APOBEC1: variants seen among roughly 807,000 people sequenced by gnomAD.
The protein encoded by APOBEC1 is apolipoprotein B mRNA editing enzyme catalytic subunit 1.
A neutral mutation model predicts 26.3 loss-of-function variants in APOBEC1; 22 were observed. The observed-to-expected ratio is 0.84, with a 90% CI of 0.60 to 1.19. The LOEUF (loss-of-function observed/expected upper bound fraction) is 1.19. Among genes scored for constraint, APOBEC1 ranks in the 50% most tolerant of loss-of-function variants. The pLI is 0.00. For missense variants in APOBEC1, 253 were observed against 289.0 expected (o/e 0.88, Z 0.90); for synonymous variants, 77 against 95.3 (o/e 0.81, Z 1.12).
chr12:7,657,043 C>CGTGTGTGTGTGT (rs6144603), intron 1 of APOBEC1, among the ~76,000 whole-genome samples: 91 of 148,764 alleles, frequency 6.1e-4, no homozygotes, highest in Middle Eastern at 3.4e-3. Flanking sequence ...GTTGTATATA[C>CGTGTGTGTGTGT]GTGTGTGTGT....
chr12:7,649,868 C>T (rs1054031334), intron 4 of APOBEC1, among the ~76,000 whole-genome samples, 172 bp from the exon 5 acceptor site: 6 of 151,822 alleles, frequency 4.0e-5, no homozygotes, highest in Admixed American at 6.6e-5. Context: ...CAGGCTGGAG[C>T]GCAGTGGTGC....
At chr12:7,657,177 C>G (rs1314758128) in intron 1 of APOBEC1, among the ~76,000 whole-genome samples, 2 of 152,056 alleles carry the variant, frequency 1.3e-5, no homozygotes, top group Non-Finnish European at 2.9e-5. Context: ...ATCATTTGAA[C>G]CAACTGCATT....
upstream of APOBEC1, among the ~76,000 whole-genome samples, chr12:7,667,761 A>C (rs1176229015): frequency 6.6e-6 from 1 of 151,938 alleles, no homozygotes; most frequent in Non-Finnish European, 1.5e-5. Context: ...AAAAATATAA[A>C]AGTCAGCTGG....
intron 1 of APOBEC1, among the ~76,000 whole-genome samples, chr12:7,660,332 A>G (rs142323927): frequency 0.13 from 12,954 of 96,550 alleles, 1,281 homozygotes; most frequent in South Asian, 0.24. Flanking sequence ...GGAAGGAAGG[A>G]AGGGAAGGAA....
chr12:7,652,471 T>C lies in APOBEC1; in HGVS notation c.409A>G (p.Ser137Gly). The change falls in exon 3 of 5, where the codon AGT becomes GGT. Residue 137 changes from serine to glycine, a missense_variant. Ser to Gly is a moderately conservative substitution (Grantham distance 56). Transcript: ENST00000229304. ...CTCATAATCTGAATAGTTACTCCAC[T>C]GTTAACAAGGTCCCTGAGACCTTGC... ...NRQGLRDLVN[S>G]GVTIQIMRAS... 4 of 1,613,796 alleles carry C rather than the reference T, an allele frequency of 2.5e-6. No individual in the cohort carries two copies. Among genetic ancestry groups the C allele is most frequent in the Non-Finnish European group, 2.5e-6 (3 of 1,179,922 alleles).
intron 1 of APOBEC1, 99 bp downstream of exon 1, chr12:7,665,752 GACACAC>G (rs60124402): frequency 0.022 from 17,192 of 771,468 alleles, 70 homozygotes; most frequent in African/African-American, 0.048. Flanking sequence ...GAATCAGCAG[GACACAC>G]ACACACACAC....
chr12:7,655,177 C>T lies in APOBEC1; in HGVS notation c.17-545G>A, dbSNP rs140981781. On this transcript the variant is annotated intron_variant, in intron 1 of 4. Coordinates refer to ENST00000229304, the MANE Select transcript of APOBEC1 (RefSeq NM_001644.5). Reference sequence around the variant, plus strand: ...TGAGCCAAGATCGCACCATTGCACTCCAGCCTGGGCAAAAGAGCAAAACTC... The same window carrying T: ...TGAGCCAAGATCGCACCATTGCACTTCAGCCTGGGCAAAAGAGCAAAACTC... 6.0e-4 allele frequency among the ~76,000 whole-genome samples: 91 copies of T among 151,886 alleles called. 3 individuals carry two copies. The South Asian group carries it at 0.018, about 31-fold the overall frequency.
upstream of APOBEC1, among the ~76,000 whole-genome samples, chr12:7,668,194 C>T (rs1863916280): frequency 6.6e-6 from 1 of 152,062 alleles, no homozygotes; most frequent in African/African-American, 2.4e-5. Flanking sequence ...AGCCACGATT[C>T]AAGGAATGAG....
intron 1 of APOBEC1, among the ~76,000 whole-genome samples, chr12:7,656,010 T>A (rs762763567): frequency 7.3e-4 from 111 of 151,612 alleles, no homozygotes; most frequent in Non-Finnish European, 9.9e-4. Context: ...TCATTTGTTA[T>A]TTTTTTTGTG....
intron 1 of APOBEC1, among the ~76,000 whole-genome samples, chr12:7,662,918 G>C (rs1174601889): frequency 6.6e-6 from 1 of 152,182 alleles, no homozygotes; most frequent in Non-Finnish European, 1.5e-5. Context: ...GGCCTTACCA[G>C]CTCTGGATAG....
chr12:7,653,504 T>G (rs1441343824), intron 2 of APOBEC1, among the ~76,000 whole-genome samples: 1 of 150,456 alleles, frequency 6.6e-6, no homozygotes, highest in African/African-American at 2.4e-5. Context: ...TTTTTTTTTT[T>G]TTTTTTAAGA....
At chr12:7,652,281 C>T (rs773862511) in intron 3 of APOBEC1, among the ~76,000 whole-genome samples, 157 bp downstream of exon 3, 207 of 152,262 alleles carry the variant, frequency 1.4e-3, no homozygotes, top group African/African-American at 4.6e-3. Context: ...TTGTAACTTT[C>T]CTTGTCATGA....
intron 1 of APOBEC1, among the ~76,000 whole-genome samples, chr12:7,656,699 C>A (rs879823975): frequency 2.0e-5 from 3 of 152,110 alleles, no homozygotes; most frequent in Admixed American, 6.6e-5. Flanking sequence ...CAAATGTAGA[C>A]CCTAAGATTG....
chr12:7,660,382 A>AGGAAGGAC lies in APOBEC1; in HGVS notation c.16+5474_16+5475insGTCCTTCC, dbSNP rs1362316301. On this transcript the variant is annotated intron_variant, in intron 1 of 4. Coordinates refer to ENST00000229304, the MANE Select transcript of APOBEC1 (RefSeq NM_001644.5). ...AAGGAAGGAAGGAAGGAAGGAAAGA[A>AGGAAGGAC]AGAAAGAAAGAAAGAAAGAAAGAAA... Among the ~76,000 whole-genome samples, 60 of 102,972 alleles carry AGGAAGGAC rather than the reference A, an allele frequency of 5.8e-4. 1 individual carries two copies. The highest frequency in any genetic ancestry group is 3.8e-3 in the East Asian group (15 of 3,948). 67.6% of individuals were successfully genotyped at this position (102,972 alleles called of 152,430 possible). A position where few individuals can be genotyped will look rare whatever the true frequency, so the allele number is the denominator to read the frequency against.
intron 4 of APOBEC1, among the ~76,000 whole-genome samples, chr12:7,650,294 C>T (rs1863620922): frequency 6.6e-6 from 1 of 151,936 alleles, no homozygotes; most frequent in Non-Finnish European, 1.5e-5. Flanking sequence ...TTCTAGCTAC[C>T]CAGAAGGCTG....
At chr12:7,660,028 G>C (rs1439639788) in intron 1 of APOBEC1, among the ~76,000 whole-genome samples, 1 of 151,590 alleles carries the variant, frequency 6.6e-6, no homozygotes, top group East Asian at 2.0e-4. Flanking sequence ...TATTTGGGCC[G>C]GGTGCGGTGG....
intron 3 of APOBEC1, among the ~76,000 whole-genome samples, chr12:7,651,638 G>GTTTGTT (rs1251251410): frequency 7.4e-5 from 11 of 148,138 alleles, no homozygotes; most frequent in Non-Finnish European, 1.6e-4. Context: ...AAGAGTTGTT[G>GTTTGTT]TTTGTTTTTG....
chr12:7,669,295 G>A (rs10734858), upstream of APOBEC1, among the ~76,000 whole-genome samples: 131,902 of 151,884 alleles, frequency 0.87, 58,554 homozygotes, highest in Middle Eastern at 0.98. Context: ...CAGCTTTTCT[G>A]TAAAATCGGT....
intron 1 of APOBEC1, among the ~76,000 whole-genome samples, chr12:7,662,694 A>G (rs1159428010): frequency 6.6e-6 from 1 of 152,242 alleles, no homozygotes; most frequent in Non-Finnish European, 1.5e-5. Flanking sequence ...AAAGAGGGAC[A>G]TTAAAGCTGA....
Sources: gnomAD v4.1 joint callset for allele counts (sites outside exome capture counted in the v4.1 genomes callset) on GRCh38, gnomAD v4.1.1 for gene constraint, MANE v1.5 for transcripts, NCBI Gene and HGNC (gene_info 2026-07-23, HGNC 2026-07-21) for gene names.